The following ENAH variants were observed in gnomAD, a reference collection of about 807,000 sequenced individuals.
The protein encoded by ENAH is ENAH actin regulator.
A neutral mutation model predicts 78.7 loss-of-function variants in ENAH; 23 were observed. That is an observed-to-expected ratio of 0.29 (90% CI 0.21 to 0.41). The LOEUF (loss-of-function observed/expected upper bound fraction) is 0.41, where lower values mean the gene tolerates loss of function less well. Among genes scored for constraint, ENAH ranks in the 10% least tolerant of loss-of-function variants. The pLI, the probability that ENAH is intolerant of heterozygous loss-of-function variation, is 1.00. For synonymous variants in ENAH, 226 were observed against 241.0 expected (o/e 0.94, Z 0.58); for missense variants, 544 against 691.0 (o/e 0.79, Z 2.39).
Position 225,605,899 on chromosome 1 carries a change from T to TA in ENAH, c.6-38486dup. 1.3e-5 allele frequency among the ~76,000 whole-genome samples: 2 copies of TA among 152,306 alleles called. 1 individual carries two copies. The highest frequency in any genetic ancestry group is 2.9e-5 in the Non-Finnish European group (2 of 68,024). ...CAACCCTGCCAACACCTTGACCTTC[T>TA]AGCCTTCAGAATTGTGAGGAAAGTA... On this transcript the variant is annotated intron_variant, in intron 1 of 13. Coordinates refer to ENST00000366843, the MANE Select transcript of ENAH (RefSeq NM_018212.6).
chr1:225,627,373 T>C (rs1269649086), intron 1 of ENAH, among the ~76,000 whole-genome samples: 5 of 152,032 alleles, frequency 3.3e-5, no homozygotes, highest in African/African-American at 4.8e-5. Context: ...AGCACACAGG[T>C]TGTAAAGCCC....
chr1:225,593,409 G>A (rs1287905503), intron 1 of ENAH, among the ~76,000 whole-genome samples: 1 of 124,154 alleles, frequency 8.1e-6, no homozygotes, highest in Admixed American at 7.7e-5. Context: ...GTGGGGGGGG[G>A]GGGGGGGGTG....
intron 1 of ENAH, among the ~76,000 whole-genome samples, chr1:225,613,036 T>C (rs2097000124): frequency 2.0e-5 from 3 of 152,182 alleles, no homozygotes; most frequent in Admixed American, 6.5e-5. Flanking sequence ...AAAGTATACA[T>C]CTACAAAGAC....
intron 3 of ENAH, among the ~76,000 whole-genome samples, chr1:225,536,600 GT>G (rs143985874): frequency 0.043 from 6,528 of 151,958 alleles, 229 homozygotes; most frequent in South Asian, 0.11. Flanking sequence ...CCCTAAGACT[GT>G]TATTATTTAA....
chr1:225,565,035 T>C (rs1418253932), intron 2 of ENAH, among the ~76,000 whole-genome samples: 1 of 152,320 alleles, frequency 6.6e-6, no homozygotes, highest in East Asian at 1.9e-4. Context: ...TTTTAAATTT[T>C]TAAATGTTTT....
intron 12 of ENAH, among the ~76,000 whole-genome samples, chr1:225,499,709 G>C (rs114712244): frequency 6.6e-6 from 1 of 152,128 alleles, no homozygotes; most frequent in African/African-American, 2.4e-5. Context: ...ACCCCCTGCA[G>C]ATTCAAGATC....
intron 1 of ENAH, among the ~76,000 whole-genome samples, chr1:225,574,431 T>A (rs1283983150): frequency 6.6e-6 from 1 of 151,872 alleles, no homozygotes; most frequent in Non-Finnish European, 1.5e-5. Flanking sequence ...CAAAATCCCA[T>A]CTCTACTAAA....
chr1:225,506,567 A>T (rs144765753), intron 11 of ENAH, among the ~76,000 whole-genome samples: 117 of 152,330 alleles, frequency 7.7e-4, no homozygotes, highest in African/African-American at 2.7e-3. Context: ...GAGATGTGTT[A>T]GAAGGCCATC....
chr1:225,601,416 G>A (rs2096930144), intron 1 of ENAH, among the ~76,000 whole-genome samples: 1 of 151,990 alleles, frequency 6.6e-6, no homozygotes, highest in African/African-American at 2.4e-5. Flanking sequence ...TACTTGGGAG[G>A]CTGAGGCAAG....
intron 2 of ENAH, among the ~76,000 whole-genome samples, chr1:225,560,290 G>A (rs772558232): frequency 4.0e-4 from 61 of 151,872 alleles, no homozygotes; most frequent in Admixed American, 1.1e-3. Flanking sequence ...TCAGGAGTTC[G>A]AGACCAGCCT....
chr1:225,585,948 T>C (rs924573905), intron 1 of ENAH, among the ~76,000 whole-genome samples: 1 of 152,120 alleles, frequency 6.6e-6, no homozygotes, highest in Non-Finnish European at 1.5e-5. Context: ...GCATGGCGGC[T>C]CACGCCTGTA....
At chr1:225,595,230 G>A (rs1405701574) in intron 1 of ENAH, among the ~76,000 whole-genome samples, 1 of 152,128 alleles carries the variant, frequency 6.6e-6, no homozygotes, top group Non-Finnish European at 1.5e-5. Context: ...CTACTCAGGA[G>A]GCTGAGGCAG....
chr1:225,514,353 T>C (rs758723054), intron 7 of ENAH, among the ~76,000 whole-genome samples: 4 of 151,782 alleles, frequency 2.6e-5, no homozygotes, highest in Non-Finnish European at 5.9e-5. Flanking sequence ...TTTAGTGAGA[T>C]AGGGTTTTAA....
rs1226025926 is a variant in ENAH at position 225,643,142 on chromosome 1, T to C, written c.5+9544A>G. Reference sequence around the variant, plus strand: ...CAAGACCTTAATAATTTTGGTTTTATGACAAATTTGGGTTTTAGTCTAAGA... The same window carrying C: ...CAAGACCTTAATAATTTTGGTTTTACGACAAATTTGGGTTTTAGTCTAAGA... On this transcript the variant is annotated intron_variant, in intron 1 of 13. Coordinates refer to ENST00000366843, the MANE Select transcript of ENAH (RefSeq NM_018212.6). Among the ~76,000 whole-genome samples the C allele has an allele frequency of 5.9e-5, 9 of 152,374 alleles. No homozygotes were observed. In the East Asian group the frequency reaches 1.7e-3, roughly 29 times the overall value.
Sources: allele counts gnomAD v4.1 joint callset (sites outside exome capture counted in the v4.1 genomes callset), GRCh38; gene constraint gnomAD v4.1.1; transcripts MANE v1.5; gene names NCBI Gene and HGNC (gene_info 2026-07-23, HGNC 2026-07-21).